The following MYH11 variants were observed in gnomAD, a reference collection of about 807,000 sequenced individuals.
MYH11 encodes the protein myosin-11.
In MYH11, 80 loss-of-function variants were observed where a neutral mutation model predicts 246.6. That is an observed-to-expected ratio of 0.32 (90% CI 0.27 to 0.39). The LOEUF (loss-of-function observed/expected upper bound fraction) is 0.39. Ranked by LOEUF, MYH11 falls within the 10% of genes least tolerant of loss-of-function variation. MYH11 has a pLI of 1.00. For synonymous variants in MYH11, 1,071 were observed against 1,015.5 expected, an observed-to-expected ratio of 1.05 and a Z score of -1.04; for missense variants, 2,158 against 2,546.8, an observed-to-expected ratio of 0.85 and a Z score of 3.29.
rs780787780 is a variant in MYH11, at chr16:15,837,920, T to C, written c.333A>G (p.Ser111=). The C allele has an allele frequency of 1.2e-6, 2 of 1,614,014 alleles. No individual in the cohort carries two copies. Among genetic ancestry groups the C allele is most frequent in the Non-Finnish European group, 1.7e-6 (2 of 1,179,930 alleles). The stretch of plus-strand genomic sequence containing the variant: ...CTGCAATACTCACATATATTAGCCC[T>C]GAGAAGTACCGCTCCCTCAGGTTGT... ...VLHNLRERYF[S]GLIYTYSGLF... is the part of the protein sequence containing the mutation. Residue 111 remains serine, a synonymous_variant, in exon 2 of 41, where the codon TCA becomes TCG. Coordinates refer to ENST00000300036, the MANE Select transcript of MYH11 (RefSeq NM_002474.3).
intron 9 of MYH11, among the ~76,000 whole-genome samples, chr16:15,764,605 C>T (rs1375930678): frequency 2.0e-5 from 3 of 152,118 alleles, no homozygotes; most frequent in African/African-American, 4.8e-5. Flanking sequence ...CAAAACTAAT[C>T]GATGCTGTTA....
At position 15,756,371 on chromosome 16, in the gene MYH11, A is replaced by G. The variant is rs759846780; in HGVS notation, c.1719T>C (p.Thr573=). 16 of 1,614,154 alleles carry G rather than the reference A, an allele frequency of 9.9e-6. No homozygotes were observed. The South Asian group carries it at 1.4e-4, about 14-fold the overall frequency. The change falls in exon 14 of 41, where the codon ACT becomes ACC. Residue 573 remains threonine, a synonymous_variant. Transcript: ENST00000300036. The part of the protein sequence containing the change: ...FQKPKQLKDK[T]EFSIIHYAGK... Reference sequence around the variant, plus strand: ...CAGCATAATGGATGATGGAGAACTCAGTCTTGTCCTTGAGCTGCTTGGGCT... The same window carrying G: ...CAGCATAATGGATGATGGAGAACTCGGTCTTGTCCTTGAGCTGCTTGGGCT...
rs1453357152 is a variant in MYH11, at chr16:15,769,006, A to T, written c.1033+2563T>A. ...TCTCTACCCACCCCTCCAAAAATCA[A>T]ACCAAAACAAAACAAAAAACCCCAG... On this transcript the variant is annotated intron_variant, in intron 9 of 40. Transcript: ENST00000300036. 3.3e-5 allele frequency among the ~76,000 whole-genome samples: 5 copies of T among 151,330 alleles called. No homozygotes were observed. In the East Asian group the frequency reaches 9.7e-4, roughly 29 times the overall value.
chr16:15,713,322 C>T (rs1182703411), intron 40 of MYH11: 1 of 152,088 alleles, frequency 6.6e-6, no homozygotes, highest in Non-Finnish European at 1.5e-5. Context: ...GTGCACGTTT[C>T]ATGATCATTT....
At chr16:15,784,442 A>G (rs1191151471) in intron 5 of MYH11, among the ~76,000 whole-genome samples, 2 of 152,114 alleles carry the variant, frequency 1.3e-5, no homozygotes, top group South Asian at 2.1e-4. Context: ...GGAGAAATCC[A>G]TTTCAGGCTG....
At chr16:15,704,952 T>C (rs750447805) in intron 40 of MYH11, among the ~76,000 whole-genome samples, 11 of 152,168 alleles carry the variant, frequency 7.2e-5, no homozygotes, top group Non-Finnish European at 1.5e-4. Flanking sequence ...GCGCTGGCAT[T>C]ACAGGCGTGG....
At chr16:15,725,868 G>C (rs1290333844) in intron 28 of MYH11, 1 of 394,602 alleles carries the variant, frequency 2.5e-6, no homozygotes, top group African/African-American at 2.1e-5. Context: ...ACATTGCCCA[G>C]AGTAAGGATC....
In MYH11 at chr16:15,763,872, T is replaced by C. The variant is rs1362195365; in HGVS notation, c.1053A>G (p.Ser351=). The stretch of plus-strand genomic sequence containing the variant: ...CGATATTTCCAAGCTGCAGGACCGA[T>C]GATACCACCTTCAATATGGCTGAGG... The part of the protein sequence containing the change: ...EEQLSILKVV[S]SVLQLGNIVF... The change falls in exon 10 of 41, where the codon TCA becomes TCG. Residue 351 remains serine (S), a synonymous_variant. Transcript: ENST00000300036. The C allele has an allele frequency of 1.9e-6, 3 of 1,613,102 alleles. No homozygotes were observed. Among genetic ancestry groups the C allele is most frequent in the East Asian group, 2.2e-5 (1 of 44,826 alleles).
rs780915081 is a variant in MYH11, at chr16:15,763,916, G to T, written c.1034-25C>A. The T allele has an allele frequency of 1.6e-5, 26 of 1,589,718 alleles. 1 individual carries two copies. In the East Asian group the frequency reaches 5.6e-4, roughly 34 times the overall value. On this transcript the variant is annotated intron_variant, in intron 9 of 40. Transcript: ENST00000300036. ...GCTGAGGTGGGGAGAGAAGGGCAGAGCAGACACAAAGGTCAATGCCAAGGT... is the reference window on the plus strand; with the variant it reads ...GCTGAGGTGGGGAGAGAAGGGCAGATCAGACACAAAGGTCAATGCCAAGGT...
chr16:15,720,810 C>A, intron 33 of MYH11, 29 bp downstream of exon 33: 2 of 1,609,046 alleles, frequency 1.2e-6, no homozygotes, highest in Non-Finnish European at 1.7e-6. Flanking sequence ...ACCCGACCTC[C>A]CTCTGCTGGC....
chr16:15,777,021 G>A (rs534918229), intron 7 of MYH11, among the ~76,000 whole-genome samples: 14 of 152,178 alleles, frequency 9.2e-5, no homozygotes, highest in African/African-American at 2.6e-4. Context: ...AGCAGTGCCC[G>A]GGCTACCACA....
intron 10 of MYH11, 58 bp downstream of exon 10, chr16:15,763,738 A>AGCTGGGGGGGGCCCCCCCCCCCCC: frequency 2.8e-6 from 2 of 717,694 alleles, no homozygotes; most frequent in Non-Finnish European, 5.2e-6. Flanking sequence ...GTTAAATGTC[A>AGCTGGGGGGGGCCCCCCCCCCCCC]CCTCCCCCAC....
Position 15,843,566 on chromosome 16 carries a change from G to A in MYH11, c.-17-5297C>T, listed in dbSNP as rs142336565. Among the ~76,000 whole-genome samples, 635 of 151,492 alleles carry A rather than the reference G, an allele frequency of 4.2e-3. 6 individuals are homozygous for A. Among genetic ancestry groups the A allele is most frequent in the African/African-American group, 0.014 (570 of 41,306 alleles). On this transcript the variant is annotated intron_variant, in intron 1 of 40. Coordinates refer to ENST00000300036, the MANE Select transcript of MYH11 (RefSeq NM_002474.3). ...AAATTAGCCGGGCGTGGTGGCGGCCGCGTGTAGTCCCAGCTACTCTGGAGG... is the reference window on the plus strand; with the variant it reads ...AAATTAGCCGGGCGTGGTGGCGGCCACGTGTAGTCCCAGCTACTCTGGAGG...
chr16:15,801,424 G>A (rs925029801), intron 3 of MYH11, among the ~76,000 whole-genome samples: 4 of 152,126 alleles, frequency 2.6e-5, no homozygotes, highest in Admixed American at 6.5e-5. Flanking sequence ...GGGAGGCTGA[G>A]ATGGGAGGAT....
chr16:15,720,214 C>G lies in MYH11; in HGVS notation c.4890G>C (p.Glu1630Asp), dbSNP rs571540776. The G allele has an allele frequency of 1.6e-5, 26 of 1,614,028 alleles. No individual in the cohort carries two copies. The highest frequency in any genetic ancestry group is 2.0e-5 in the Non-Finnish European group (24 of 1,180,044). Residue 1630 changes from glutamate to aspartate, a missense_variant, in exon 34 of 41, where the codon GAG becomes GAC. Glu to Asp is a conservative substitution (Grantham distance 45). Coordinates refer to ENST00000300036, the MANE Select transcript of MYH11 (RefSeq NM_002474.3). ...KKLEGDLKDL[E>D]LQADSAIKGR... ...CCTTGATGGCAGAGTCGGCCTGAAG[C>G]TCCAGGTCTTTCAGGTCCCCTTCCA...
At chr16:15,735,935 C>G (rs897134905) in intron 25 of MYH11, among the ~76,000 whole-genome samples, 7 of 152,232 alleles carry the variant, frequency 4.6e-5, no homozygotes, top group African/African-American at 7.2e-5. Flanking sequence ...TTCTTCTTCC[C>G]TGGCAACTGT....
rs1050113 is a variant in MYH11 at position 15,745,177 on chromosome 16, G to T, written c.2472C>A (p.Ala824=). The T allele has an allele frequency of 6.2e-6, 10 of 1,613,906 alleles. No homozygotes were observed. Among genetic ancestry groups the T allele is most frequent in the Admixed American group, 1.7e-5 (1 of 59,984 alleles). ...TAMKVIQRNC[A]AYLKLRNWQW... ...GCCAGTTCCGCAGCTTGAGGTAGGCGGCGCAGTTCCTCTGAATCACCTTCA... is the reference window on the plus strand; with the variant it reads ...GCCAGTTCCGCAGCTTGAGGTAGGCTGCGCAGTTCCTCTGAATCACCTTCA... Residue 824 remains alanine, a synonymous_variant, in exon 20 of 41, where the codon GCC becomes GCA. Coordinates refer to ENST00000300036, the MANE Select transcript of MYH11 (RefSeq NM_002474.3).
At chr16:15,706,935 T>G (rs2039487426) in intron 40 of MYH11, among the ~76,000 whole-genome samples, 1 of 152,166 alleles carries the variant, frequency 6.6e-6, no homozygotes, top group Non-Finnish European at 1.5e-5. Context: ...AGTGCTTTTC[T>G]TGGAACTGGT....
At chr16:15,824,610 G>A (rs2043511423) in intron 2 of MYH11, among the ~76,000 whole-genome samples, 1 of 152,110 alleles carries the variant, frequency 6.6e-6, no homozygotes, top group Non-Finnish European at 1.5e-5. Flanking sequence ...CTGAACATTG[G>A]AGGCATAGAA....
Sources: gnomAD v4.1 joint callset for allele counts (sites outside exome capture counted in the v4.1 genomes callset) on GRCh38, gnomAD v4.1.1 for gene constraint, MANE v1.5 for transcripts, NCBI Gene and HGNC (gene_info 2026-07-23, HGNC 2026-07-21) for gene names.